The following ERMP1 variants were observed in gnomAD, a reference collection of about 807,000 sequenced individuals.
ERMP1 encodes Felix-ina.
ERMP1 carries 86 observed loss-of-function variants against 92.0 expected under a neutral mutation model. The ratio of observed to expected loss-of-function variants is 0.93; its 90% CI spans 0.79 to 1.12. The LOEUF (loss-of-function observed/expected upper bound fraction) is 1.12. Among genes scored for constraint, ERMP1 ranks in the 50% most tolerant of loss-of-function variants. The probability of loss-of-function intolerance (pLI) is 0.00; values close to 1 mark genes in which losing one functional copy is unlikely to be tolerated. For missense variants in ERMP1, 1,342 were observed against 1,116.3 expected, an observed-to-expected ratio of 1.20 and a Z score of -2.88; for synonymous variants, 530 against 412.8, an observed-to-expected ratio of 1.28 and a Z score of -3.44.
chr9:5,798,970 T>A lies in ERMP1; in HGVS notation c.2106A>T (p.Ala702=). 6.2e-7 allele frequency: 1 copy of A among 1,613,824 alleles called. No individual in the cohort carries two copies. Among genetic ancestry groups the A allele is most frequent in the Non-Finnish European group, 8.5e-7 (1 of 1,179,824 alleles). The change falls in exon 12 of 15, where the codon GCA becomes GCT. Residue 702 remains alanine, a synonymous_variant. Transcript: ENST00000339450. ...TRTFHDLEGN[A]VKRDSGIWIN... is the part of the protein sequence containing the mutation. ...TCCATATTCCAGAGTCCCGTTTAAC[T>A]GCATTTCCTTCCAAGTCATGGAATG...
intron 6 of ERMP1, among the ~76,000 whole-genome samples, chr9:5,850,709 G>A (rs1237349532): frequency 1.3e-5 from 2 of 152,166 alleles, no homozygotes; most frequent in African/African-American, 2.4e-5. Flanking sequence ...GATGGTGCCA[G>A]GCAATTGTAT....
chr9:5,791,465 G>A (rs940356012), intron 13 of ERMP1, among the ~76,000 whole-genome samples: 2 of 152,174 alleles, frequency 1.3e-5, no homozygotes, highest in Non-Finnish European at 2.9e-5. Flanking sequence ...ATCTTACCCA[G>A]AAAATATTTT....
chr9:5,813,172 TTCTG>T (rs2131243323), intron 4 of ERMP1, 137 bp from the exon 5 acceptor site: 1 of 776,978 alleles, frequency 1.3e-6, no homozygotes, highest in African/African-American at 1.8e-5. Flanking sequence ...TCATCCCTTT[TTCTG>T]TAGTTTCCAA....
intron 2 of ERMP1, among the ~76,000 whole-genome samples, chr9:5,830,466 G>A (rs898180830): frequency 6.6e-6 from 1 of 152,172 alleles, no homozygotes; most frequent in Non-Finnish European, 1.5e-5. Context: ...AGCTGCTTCA[G>A]TCTACCAGAA....
intron 3 of ERMP1, 80 bp downstream of exon 3, chr9:5,825,012 C>T (rs1396299425): frequency 1.4e-6 from 2 of 1,411,548 alleles, no homozygotes; most frequent in East Asian, 2.5e-5. Context: ...AATGCATTTA[C>T]TATTTAGTAA....
intron 6 of ERMP1, among the ~76,000 whole-genome samples, chr9:5,845,863 G>C (rs1255507058): frequency 3.9e-5 from 6 of 152,192 alleles, no homozygotes. Context: ...ACAGGTGTAA[G>C]GGGAAGTTCC....
chr9:5,854,820 C>T (rs1830353594), intron 6 of ERMP1, among the ~76,000 whole-genome samples: 2 of 152,152 alleles, frequency 1.3e-5, no homozygotes, highest in Admixed American at 1.3e-4. Flanking sequence ...AGCCACCACA[C>T]CCGGCCTGGT....
At chr9:5,805,280 TA>T in intron 9 of ERMP1, 63 bp from the exon 10 acceptor site, 2 of 1,303,308 alleles carry the variant, frequency 1.5e-6, no homozygotes, top group Non-Finnish European at 2.1e-6. Context: ...TAAATTTTTA[TA>T]GTACTGGTGT....
chr9:5,807,483 T>C (rs987309691), intron 8 of ERMP1, among the ~76,000 whole-genome samples: 1 of 152,130 alleles, frequency 6.6e-6, no homozygotes, highest in African/African-American at 2.4e-5. Flanking sequence ...CAGTGGCTCA[T>C]GCCTATAATC....
chr9:5,853,488 A>G (rs181105504), intron 6 of ERMP1, among the ~76,000 whole-genome samples: 2 of 152,202 alleles, frequency 1.3e-5, no homozygotes, highest in East Asian at 3.9e-4. Context: ...GTAAGAAACT[A>G]TGCTCTGTTG....
At chr9:5,833,398 C>T (rs1830034981), upstream of ERMP1, among the ~76,000 whole-genome samples, 1 of 152,190 alleles carries the variant, frequency 6.6e-6, no homozygotes, top group African/African-American at 2.4e-5. Context: ...ATGAAAAAAG[C>T]AATGACCTGG....
At chr9:5,835,468 T>C (rs1327012815), upstream of ERMP1, among the ~76,000 whole-genome samples, 1 of 152,212 alleles carries the variant, frequency 6.6e-6, no homozygotes, top group Non-Finnish European at 1.5e-5. Context: ...TGATCAGAGA[T>C]GGTCTCACAG....
chr9:5,851,912 T>C (rs1319249737), intron 6 of ERMP1, among the ~76,000 whole-genome samples: 1 of 152,240 alleles, frequency 6.6e-6, no homozygotes, highest in East Asian at 1.9e-4. Flanking sequence ...GATTTCATAA[T>C]GAGTCAACAA....
intron 5 of ERMP1, among the ~76,000 whole-genome samples, chr9:5,861,717 G>GTTTTTTTTTTTTTTTT (rs34804675): frequency 3.0e-5 from 2 of 66,228 alleles, no homozygotes; most frequent in Non-Finnish European, 5.3e-5. Flanking sequence ...GAGAGGAAGG[G>GTTTTTTTTTTTTTTTT]TTTTTTTTTT....
At chr9:5,849,812 C>T (rs952483045) in intron 6 of ERMP1, among the ~76,000 whole-genome samples, 3 of 152,174 alleles carry the variant, frequency 2.0e-5, no homozygotes, top group African/African-American at 7.2e-5. Flanking sequence ...AGCTACCTAC[C>T]AGTTGGATCA....
intron 13 of ERMP1, among the ~76,000 whole-genome samples, chr9:5,797,241 T>G (rs549585073): frequency 4.0e-5 from 6 of 151,892 alleles, no homozygotes; most frequent in Admixed American, 3.9e-4. Context: ...GGGATGTCAC[T>G]ATGTTGCCCT....
intron 13 of ERMP1, among the ~76,000 whole-genome samples, chr9:5,789,632 C>G (rs1291938716): frequency 6.6e-6 from 1 of 152,204 alleles, no homozygotes; most frequent in Non-Finnish European, 1.5e-5. Flanking sequence ...GCTCTACCAC[C>G]TAGGCTGGAA....
At chr9:5,813,858 A>T (rs1380883545) in intron 4 of ERMP1, among the ~76,000 whole-genome samples, 1 of 148,326 alleles carries the variant, frequency 6.7e-6, no homozygotes, top group Non-Finnish European at 1.5e-5. Context: ...TTTATAATTT[A>T]TATAATTATA....
rs1436576077 is a variant in ERMP1 at position 5,832,984 on chromosome 9, A to T, written c.44T>A (p.Val15Asp). ...SESAAVRRHRVGVERREGAAA... is the reference protein window; with the variant it reads ...SESAAVRRHRDGVERREGAAA... Reference sequence around the variant, plus strand: ...CGCTCCCTCTCGACGCTCTACTCCGACGCGGTGCCGCCTCACAGCAGCCGA... The same window carrying T: ...CGCTCCCTCTCGACGCTCTACTCCGTCGCGGTGCCGCCTCACAGCAGCCGA... The change falls in exon 1 of 15, where the codon GTC becomes GAC. Residue 15 changes from valine to aspartate, a missense_variant. Coordinates refer to ENST00000339450, the MANE Select transcript of ERMP1 (RefSeq NM_024896.3). The T allele has an allele frequency of 8.3e-6, 13 of 1,560,908 alleles. No individual in the cohort carries two copies. The East Asian group carries it at 3.2e-4, about 39-fold the overall frequency.
Sources: allele counts gnomAD v4.1 joint callset (sites outside exome capture counted in the v4.1 genomes callset), GRCh38; gene constraint gnomAD v4.1.1; transcripts MANE v1.5; gene names NCBI Gene and HGNC (gene_info 2026-07-23, HGNC 2026-07-21).